The following BABAM2 variants were observed in gnomAD, a reference collection of about 807,000 sequenced individuals.
BABAM2 encodes the protein BRISC and BRCA1-A complex member 2.
BABAM2 carries 31 observed loss-of-function variants against 54.7 expected under a neutral mutation model. The observed-to-expected ratio is 0.57, with a 90% CI of 0.43 to 0.77. The LOEUF is 0.77. Ranked by LOEUF, BABAM2 falls within the 30% of genes least tolerant of loss-of-function variation. The pLI, the probability that BABAM2 is intolerant of heterozygous loss-of-function variation, is 0.00. For synonymous variants in BABAM2, 167 were observed against 162.9 expected (o/e 1.03, Z -0.19); for missense variants, 364 against 455.8 (o/e 0.80, Z 1.83).
intron 6 of BABAM2, among the ~76,000 whole-genome samples, chr2:28,086,435 C>A (rs1241526081): frequency 1.2e-4 from 18 of 152,120 alleles, no homozygotes. Context: ...ATCTTGGGGG[C>A]ATTTACAGTT....
intron 2 of BABAM2, among the ~76,000 whole-genome samples, chr2:27,901,079 TG>T (rs1665765712): frequency 6.6e-6 from 1 of 150,496 alleles, no homozygotes; most frequent in South Asian, 2.1e-4. Flanking sequence ...TATAGTAAAG[TG>T]TATTATCTAA....
intron 6 of BABAM2, among the ~76,000 whole-genome samples, chr2:28,056,415 A>G (rs545314009): frequency 6.6e-6 from 1 of 152,222 alleles, no homozygotes; most frequent in Non-Finnish European, 1.5e-5. Flanking sequence ...TTTATTTTTT[A>G]AAAAAGAGAG....
chr2:28,241,422 C>T (rs1465608634), intron 9 of BABAM2, 29 bp downstream of exon 9: 6 of 1,597,868 alleles, frequency 3.8e-6, no homozygotes, highest in Middle Eastern at 3.3e-4. Flanking sequence ...GAACGATATA[C>T]CGGTGATGCC....
Position 27,909,918 on chromosome 2 carries a change from TTAA to T in BABAM2, c.128+15239_128+15241del, listed in dbSNP as rs563217000. On this transcript the variant is annotated intron_variant, in intron 2 of 11. Coordinates refer to ENST00000379624, the MANE Select transcript of BABAM2 (RefSeq NM_199191.3). ...AGTAATATAACAATAGCTGTTATCATTAATAATTTTTCATTGTAATGTAAGTGC... is the reference window on the plus strand; with the variant it reads ...AGTAATATAACAATAGCTGTTATCATTAATTTTTCATTGTAATGTAAGTGC... Among the ~76,000 whole-genome samples the T allele has an allele frequency of 3.8e-3, 573 of 152,334 alleles. 7 individuals carry two copies. Among genetic ancestry groups the T allele is most frequent in the African/African-American group, 0.013 (559 of 41,568 alleles).
chr2:28,136,465 C>G (rs971197577), intron 7 of BABAM2, among the ~76,000 whole-genome samples: 2 of 152,264 alleles, frequency 1.3e-5, no homozygotes, highest in African/African-American at 4.8e-5. Flanking sequence ...CCACAGTCTC[C>G]ATTGACAGGT....
intron 3 of BABAM2, among the ~76,000 whole-genome samples, chr2:27,986,548 A>G (rs1672414027): frequency 1.3e-5 from 2 of 152,148 alleles, no homozygotes; most frequent in Admixed American, 1.3e-4. Flanking sequence ...TACAGGGTGT[A>G]TGAAAGGTTG....
intron 10 of BABAM2, among the ~76,000 whole-genome samples, chr2:28,274,229 T>G (rs1310051401): frequency 6.6e-6 from 1 of 152,188 alleles, no homozygotes; most frequent in African/African-American, 2.4e-5. Flanking sequence ...CTCCTTGACC[T>G]CCTCATCTTT....
intron 2 of BABAM2, among the ~76,000 whole-genome samples, chr2:27,928,976 G>A (rs1033236457): frequency 9.9e-5 from 15 of 151,284 alleles, no homozygotes; most frequent in African/African-American, 2.9e-4. Flanking sequence ...CACTTTGGGA[G>A]GCTAGGTGGG....
intron 7 of BABAM2, among the ~76,000 whole-genome samples, chr2:28,212,981 G>A (rs1679610736): frequency 6.6e-6 from 1 of 152,186 alleles, no homozygotes; most frequent in African/African-American, 2.4e-5. Flanking sequence ...CACTTTGGGA[G>A]GCCAAGGTGG....
chr2:28,095,574 A>G (rs1453768405), intron 6 of BABAM2, among the ~76,000 whole-genome samples: 1 of 152,182 alleles, frequency 6.6e-6, no homozygotes, highest in Non-Finnish European at 1.5e-5. Flanking sequence ...ACGTAAAAAA[A>G]CAAACAAACA....
Position 27,929,587 on chromosome 2 carries a change from A to C in BABAM2, c.129-245A>C, listed in dbSNP as rs545060518. Among the ~76,000 whole-genome samples, 7 of 152,352 alleles carry C rather than the reference A, an allele frequency of 4.6e-5. No homozygotes were observed. In the East Asian group the frequency reaches 1.2e-3, roughly 25 times the overall value. On this transcript the variant is annotated intron_variant, in intron 2 of 11. Transcript: ENST00000379624. ...TCTTTGAGAAAAGTAGTTGAAGCAC[A>C]CTGTTGATGTTTGTCGTTAGAACAC...
intron 6 of BABAM2, among the ~76,000 whole-genome samples, chr2:28,067,486 C>G (rs572388600): frequency 6.6e-6 from 1 of 152,288 alleles, no homozygotes; most frequent in Non-Finnish European, 1.5e-5. Flanking sequence ...CTGTTGAAAT[C>G]TTACCCATCA....
At chr2:28,038,918 T>A (rs1676868484) in intron 5 of BABAM2, among the ~76,000 whole-genome samples, 1 of 152,192 alleles carries the variant, frequency 6.6e-6, no homozygotes, top group Non-Finnish European at 1.5e-5. Context: ...AATTGCTGGA[T>A]CAAATGGTAG....
At chr2:28,151,089 T>C (rs1489886618) in intron 7 of BABAM2, among the ~76,000 whole-genome samples, 1 of 152,198 alleles carries the variant, frequency 6.6e-6, no homozygotes, top group South Asian at 2.1e-4. Flanking sequence ...GCACTGAGGC[T>C]CTTAAAAGAT....
intron 3 of BABAM2, among the ~76,000 whole-genome samples, chr2:27,941,312 C>T (rs1206841882): frequency 6.6e-6 from 1 of 152,072 alleles, no homozygotes; most frequent in African/African-American, 2.4e-5. Flanking sequence ...CGCCTGTAAT[C>T]CCAGAACTTT....
chr2:28,036,543 A>T (rs1274818033), intron 5 of BABAM2, among the ~76,000 whole-genome samples: 1 of 152,156 alleles, frequency 6.6e-6, no homozygotes, highest in Non-Finnish European at 1.5e-5. Context: ...ATTGGTCTGT[A>T]ACATGTAAAT....
At chr2:27,895,898 A>G (rs1665261077) in intron 2 of BABAM2, among the ~76,000 whole-genome samples, 1 of 151,974 alleles carries the variant, frequency 6.6e-6, no homozygotes, top group South Asian at 2.1e-4. Context: ...TTAGGTATGT[A>G]TTTTCCTCTG....
chr2:28,186,710 C>G (rs2147903061), intron 7 of BABAM2, among the ~76,000 whole-genome samples: 1 of 151,916 alleles, frequency 6.6e-6, no homozygotes, highest in East Asian at 1.9e-4. Flanking sequence ...CGAAGCGAAG[C>G]AAGGCAAGGC....
intron 7 of BABAM2, among the ~76,000 whole-genome samples, chr2:28,209,774 T>C (rs937684265): frequency 1.3e-5 from 2 of 152,202 alleles, no homozygotes; most frequent in African/African-American, 2.4e-5. Flanking sequence ...ATTTTGTTGA[T>C]CAAGCTATAG....
Sources: gnomAD v4.1 joint callset for allele counts (sites outside exome capture counted in the v4.1 genomes callset) on GRCh38, gnomAD v4.1.1 for gene constraint, MANE v1.5 for transcripts, NCBI Gene and HGNC (gene_info 2026-07-23, HGNC 2026-07-21) for gene names.